Variants in NFATC2 observed in about 807,000 individuals in gnomAD.
The protein encoded by NFATC2 is nuclear factor of activated T-cells, cytoplasmic 2.
NFATC2 carries 22 observed loss-of-function variants against 87.3 expected under a neutral mutation model. That is an observed-to-expected ratio of 0.25 (90% confidence interval 0.18 to 0.36). The LOEUF is 0.36. NFATC2 is among the 10% of genes least tolerant of loss of function. The pLI is 1.00. For synonymous variants in NFATC2, 565 were observed against 542.2 expected (o/e 1.04, Z -0.58); for missense variants, 1,149 against 1,259.1 (o/e 0.91, Z 1.32).
At chr20:51,408,614 G>A (rs1978736603) in intron 9 of NFATC2, among the ~76,000 whole-genome samples, 1 of 151,658 alleles carries the variant, frequency 6.6e-6, no homozygotes, top group South Asian at 2.1e-4. Context: ...ATAGATGGTT[G>A]GTGATAACTA....
In NFATC2 at chr20:51,407,041, C is replaced by T. The variant is rs145026367; in HGVS notation, c.2723-8311G>A. Among the ~76,000 whole-genome samples, 79 of 152,342 alleles carry T rather than the reference C, an allele frequency of 5.2e-4. 1 individual carries two copies. The highest frequency in any genetic ancestry group is 1.7e-3 in the African/African-American group (72 of 41,576). On this transcript the variant is annotated intron_variant, in intron 9 of 10. Transcript: ENST00000371564. ...CTAGTCCACAGTCTTCCTTAGTATA[C>T]GCTATTCACGTCAAGCCTGCTCACG... is the stretch of plus-strand genomic sequence containing the variant.
chr20:51,529,558 G>A lies in NFATC2; in HGVS notation c.131-5448C>T, dbSNP rs56187832. On this transcript the variant is annotated intron_variant, in intron 1 of 10. Transcript: ENST00000371564. ...CCTTAAACAACTGCCACGCTCACAG[G>A]CGGCTTTCTTACAGTCATCACGATG... is the stretch of plus-strand genomic sequence containing the variant. Among the ~76,000 whole-genome samples, 722 of 152,270 alleles carry A rather than the reference G, an allele frequency of 4.7e-3. 2 individuals are homozygous for A. The highest frequency in any genetic ancestry group is 7.3e-3 in the Non-Finnish European group (500 of 68,030).
intron 10 of NFATC2, among the ~76,000 whole-genome samples, 185 bp from the exon 11 acceptor site, chr20:51,391,636 G>A (rs1986360157): frequency 2.1e-5 from 2 of 94,478 alleles, no homozygotes; most frequent in Middle Eastern, 4.4e-3. Context: ...TCAGCCTCCC[G>A]AGTAGCTGGG....
intron 3 of NFATC2, among the ~76,000 whole-genome samples, chr20:51,482,584 G>A (rs1989355898): frequency 6.6e-6 from 1 of 152,066 alleles, no homozygotes; most frequent in South Asian, 2.1e-4. Flanking sequence ...AATATGTGAT[G>A]CTTTAATATG....
intron 10 of NFATC2, among the ~76,000 whole-genome samples, chr20:51,397,244 A>C (rs2024582): frequency 0.4 from 60,917 of 152,102 alleles, 12,145 homozygotes; most frequent in African/African-American, 0.44. Context: ...GAGCTCTCCC[A>C]GACCTCTGCT....
intron 8 of NFATC2, 59 bp downstream of exon 8, chr20:51,435,129 T>G: frequency 6.3e-7 from 1 of 1,599,712 alleles, no homozygotes; most frequent in Middle Eastern, 1.7e-4. Flanking sequence ...TCAGGAGTCC[T>G]GAGCCCTGTG....
chr20:51,414,514 C>T (rs1333233734), intron 9 of NFATC2, among the ~76,000 whole-genome samples: 1 of 151,956 alleles, frequency 6.6e-6, no homozygotes, highest in African/African-American at 2.4e-5. Flanking sequence ...CATGGCAAAA[C>T]TCCATCTCTA....
intron 3 of NFATC2, among the ~76,000 whole-genome samples, chr20:51,506,057 C>T (rs964067730): frequency 1.3e-5 from 2 of 152,224 alleles, no homozygotes; most frequent in South Asian, 2.1e-4. Flanking sequence ...GGCAGGCATT[C>T]GTCTCAGCCT....
chr20:51,538,633 A>G (rs552475467), intron 1 of NFATC2, among the ~76,000 whole-genome samples: 113 of 152,352 alleles, frequency 7.4e-4, no homozygotes, highest in African/African-American at 2.0e-3. Flanking sequence ...TCTAACACAG[A>G]GGGTGCTCAA....
At chr20:51,436,002 G>A (rs917208421) in intron 6 of NFATC2, among the ~76,000 whole-genome samples, 1 of 152,140 alleles carries the variant, frequency 6.6e-6, no homozygotes, top group Non-Finnish European at 1.5e-5. Flanking sequence ...ATTAAGGCAG[G>A]AACAGAAAAC....
intron 1 of NFATC2, among the ~76,000 whole-genome samples, chr20:51,550,230 A>G (rs1235974775): frequency 6.6e-6 from 1 of 152,196 alleles, no homozygotes; most frequent in Non-Finnish European, 1.5e-5. Flanking sequence ...CAGGAGCTTG[A>G]GGCTGCAGTG....
intron 1 of NFATC2, among the ~76,000 whole-genome samples, chr20:51,550,225 G>T (rs974842731): frequency 7.2e-5 from 11 of 152,160 alleles, no homozygotes; most frequent in Non-Finnish European, 1.5e-4. Flanking sequence ...GAGCCCAGGA[G>T]CTTGAGGCTG....
intron 1 of NFATC2, among the ~76,000 whole-genome samples, chr20:51,530,703 G>A (rs909733835): frequency 6.6e-6 from 1 of 152,090 alleles, no homozygotes; most frequent in African/African-American, 2.4e-5. Context: ...CGCACATGCT[G>A]TTCCCCTTAC....
chr20:51,449,545 G>A (rs754955952), intron 6 of NFATC2, among the ~76,000 whole-genome samples: 6 of 152,182 alleles, frequency 3.9e-5, no homozygotes, highest in Non-Finnish European at 5.9e-5. Flanking sequence ...TGCTCAGAGC[G>A]GTGCAGTGGT....
intron 6 of NFATC2, among the ~76,000 whole-genome samples, chr20:51,438,060 T>C (rs1983819085): frequency 6.6e-6 from 1 of 152,168 alleles, no homozygotes; most frequent in South Asian, 2.1e-4. Context: ...CATCGAGGAA[T>C]TGGAAGTGAA....
chr20:51,454,621 G>T lies in NFATC2; in HGVS notation c.1776C>A (p.Gly592=), dbSNP rs146686251. The T allele has an allele frequency of 6.2e-7, 1 of 1,613,990 alleles. No individual in the cohort carries two copies. The highest frequency in any genetic ancestry group is 8.5e-7 in the Non-Finnish European group (1 of 1,180,030). ...GCCCCGTGAGGATCATTTGCTGGCC[G>T]CCATAGACCAGGCAGCTGTCTGTGT... ...RQDTDSCLVY[G]GQQMILTGQN... is the part of the protein sequence containing the mutation. The change falls in exon 6 of 11, where the codon GGC becomes GGA. Residue 592 remains glycine (G), a synonymous_variant. Transcript: ENST00000371564.
chr20:51,391,478 G>C, intron 10 of NFATC2, 27 bp from the exon 11 acceptor site: 1 of 1,526,932 alleles, frequency 6.5e-7, no homozygotes. Flanking sequence ...GAGGGGGGGG[G>C]AGAGAGAATG....
rs767331198 is a variant in NFATC2 at position 51,562,590 on chromosome 20, G to C, written c.40C>G (p.Pro14Ala). The C allele has an allele frequency of 6.4e-7, 1 of 1,551,398 alleles. No homozygotes were observed. The change falls in exon 1 of 11, where the codon CCC becomes GCC. Residue 14 changes from proline to alanine, a missense_variant. By Grantham distance (27) the Pro-to-Ala change is conservative. Transcript: ENST00000414705. This position sits in a 1 kb window ranked among gnomAD's most constrained non-coding sequence, Gnocchi z 5.8. ...TCCACAGACCCCATGATGCGGAGGG[G>C]ATGGCAGTGCCCCAGTCTGAACGCA...
At chr20:51,428,266 G>A (rs941308462) in intron 9 of NFATC2, among the ~76,000 whole-genome samples, 6 of 152,146 alleles carry the variant, frequency 3.9e-5, no homozygotes, top group African/African-American at 9.7e-5. Flanking sequence ...CACGGAAGGG[G>A]GATGACAGCA....
Sources: allele counts gnomAD v4.1 joint callset (sites outside exome capture counted in the v4.1 genomes callset), GRCh38; gene constraint gnomAD v4.1.1; non-coding constraint Gnocchi (gnomAD v3.1); transcripts MANE v1.5; gene names NCBI Gene and HGNC (gene_info 2026-07-23, HGNC 2026-07-21).